PPP1R42: variants seen among roughly 807,000 people sequenced by gnomAD.
PPP1R42 encodes leucine rich repeat containing 67.
In PPP1R42, 34 loss-of-function variants were observed where a neutral mutation model predicts 31.0. The ratio of observed to expected loss-of-function variants is 1.10; its 90% CI spans 0.83 to 1.46. The LOEUF (loss-of-function observed/expected upper bound fraction) is 1.46, where lower values mean the gene tolerates loss of function less well. Among genes scored for constraint, PPP1R42 ranks in the 40% most tolerant of loss-of-function variants. PPP1R42 has a pLI of 0.00. For synonymous variants in PPP1R42, 103 were observed against 109.8 expected (o/e 0.94, Z 0.39); for missense variants, 268 against 303.0 (o/e 0.88, Z 0.86).
intron 7 of PPP1R42, chr8:66,971,185 A>G (rs1413008653): frequency 2.9e-6 from 4 of 1,394,408 alleles, no homozygotes; most frequent in Non-Finnish European, 3.8e-6. Flanking sequence ...TGAAATTAAT[A>G]ACTAAATTTT....
intron 5 of PPP1R42, among the ~76,000 whole-genome samples, chr8:67,004,306 C>G (rs1011819529): frequency 6.6e-6 from 1 of 152,202 alleles, no homozygotes; most frequent in Admixed American, 6.5e-5. Flanking sequence ...TCTTAGACTT[C>G]CCAGCCTCCA....
At chr8:67,013,241 T>C (rs1263773281) in intron 3 of PPP1R42, 145 bp from the exon 4 acceptor site, 2 of 572,110 alleles carry the variant, frequency 3.5e-6, no homozygotes, top group South Asian at 3.9e-5. Flanking sequence ...CTATGAAAGG[T>C]TGGTTTATCT....
intron 5 of PPP1R42, among the ~76,000 whole-genome samples, chr8:66,990,699 T>C (rs1467779203): frequency 5.3e-5 from 8 of 152,312 alleles, no homozygotes; most frequent in South Asian, 4.1e-4. Flanking sequence ...GATGAACCTG[T>C]ATTTGACCAG....
chr8:66,998,405 G>A (rs1397814346), intron 5 of PPP1R42, among the ~76,000 whole-genome samples: 1 of 152,176 alleles, frequency 6.6e-6, no homozygotes, highest in African/African-American at 2.4e-5. Flanking sequence ...TTGCCATTAA[G>A]CATATGGCTT....
At chr8:67,008,711 A>AG (rs891204625) in intron 5 of PPP1R42, among the ~76,000 whole-genome samples, 2 of 151,492 alleles carry the variant, frequency 1.3e-5, no homozygotes, top group African/African-American at 4.8e-5. Context: ...CTGTCTCAAA[A>AG]AAAAAAAAAA....
At chr8:67,007,807 T>C (rs1220274280) in intron 5 of PPP1R42, among the ~76,000 whole-genome samples, 1 of 152,088 alleles carries the variant, frequency 6.6e-6, no homozygotes, top group Non-Finnish European at 1.5e-5. Flanking sequence ...GTCACTATTA[T>C]AGTGCTTGTG....
chr8:67,020,602 G>A (rs923178432), intron 1 of PPP1R42, among the ~76,000 whole-genome samples: 1 of 152,184 alleles, frequency 6.6e-6, no homozygotes, highest in Admixed American at 6.5e-5. Flanking sequence ...TACAAAATAA[G>A]GATAATAATA....
intron 5 of PPP1R42, among the ~76,000 whole-genome samples, chr8:67,006,584 T>C (rs1325559714): frequency 6.6e-6 from 1 of 151,930 alleles, no homozygotes; most frequent in Admixed American, 6.6e-5. Flanking sequence ...CCAGGCTGGT[T>C]TTGAATTCCT....
chr8:67,017,529 A>G, intron 2 of PPP1R42, 90 bp downstream of exon 2: 3 of 667,724 alleles, frequency 4.5e-6, no homozygotes, highest in Non-Finnish European at 6.7e-6. Flanking sequence ...TAATGAAAAT[A>G]TAGTTAAAAT....
chr8:66,985,808 G>T lies in PPP1R42; in HGVS notation c.670+2592C>A. ...GCTGCGTCCATCATCTGTTTGATGTGGAGCTTAGTCAGCATGCCAGGACTC... is the reference window on the plus strand; with the variant it reads ...GCTGCGTCCATCATCTGTTTGATGTTGAGCTTAGTCAGCATGCCAGGACTC... On this transcript the variant is annotated intron_variant, in intron 6 of 7. Coordinates refer to ENST00000685739, the MANE Select transcript of PPP1R42 (RefSeq NM_001364910.1). 7.2e-6 allele frequency: 9 copies of T among 1,244,302 alleles called. No individual in the cohort carries two copies. The South Asian group carries it at 1.1e-4, about 16-fold the overall frequency. 77.1% of individuals were successfully genotyped at this position (1,244,302 alleles called of 1,614,324 possible).
At chr8:66,972,422 T>A (rs768268957) in intron 7 of PPP1R42, among the ~76,000 whole-genome samples, 74 of 152,108 alleles carry the variant, frequency 4.9e-4, no homozygotes, top group Admixed American at 2.6e-4. Flanking sequence ...CAGAGTGTCA[T>A]CTTGTCACCC....
chr8:66,980,632 A>C (rs555387519), intron 7 of PPP1R42, among the ~76,000 whole-genome samples: 9 of 152,258 alleles, frequency 5.9e-5, no homozygotes, highest in Non-Finnish European at 1.5e-5. Context: ...AGAGTGACAG[A>C]GCTCCTAGGA....
At chr8:66,984,475 A>G in intron 6 of PPP1R42, 2 of 1,282,172 alleles carry the variant, frequency 1.6e-6, no homozygotes, top group East Asian at 2.3e-5. Flanking sequence ...CACCACTCCT[A>G]TCAGGTACAG....
chr8:66,985,089 T>C (rs1814964925), intron 6 of PPP1R42: 11 of 1,306,688 alleles, frequency 8.4e-6, no homozygotes, highest in South Asian at 5.9e-5. Context: ...CTCCTTCCTT[T>C]AGCTCCTTCC....
chr8:67,013,169 G>T, intron 3 of PPP1R42, 73 bp from the exon 4 acceptor site: 2 of 1,242,194 alleles, frequency 1.6e-6, no homozygotes, highest in Non-Finnish European at 2.2e-6. Context: ...TGACAAAAGT[G>T]TAATAACAAA....
chr8:67,012,793 G>A, intron 4 of PPP1R42, 165 bp downstream of exon 4: 1 of 506,116 alleles, frequency 2.0e-6, no homozygotes, highest in Middle Eastern at 5.1e-4. Context: ...GAGTCTCTGA[G>A]ATTGTACATG....
At chr8:66,988,310 G>A (rs1423131896) in intron 6 of PPP1R42, 90 bp downstream of exon 6, 3 of 1,287,068 alleles carry the variant, frequency 2.3e-6, no homozygotes, top group African/African-American at 3.1e-5. Flanking sequence ...CCAGATGTCA[G>A]ATTTATATTT....
At chr8:66,983,073 C>T (rs1488754642) in intron 6 of PPP1R42, among the ~76,000 whole-genome samples, 1 of 151,886 alleles carries the variant, frequency 6.6e-6, no homozygotes, top group Non-Finnish European at 1.5e-5. Context: ...AGAAATTGCG[C>T]TTCATAAATT....
chr8:67,014,651 T>G, intron 2 of PPP1R42, 59 bp from the exon 3 acceptor site: 1 of 1,269,456 alleles, frequency 7.9e-7, no homozygotes. Context: ...AAAAGTTTGT[T>G]TTTAACAAAA....
Sources: gnomAD v4.1 joint callset for allele counts (sites outside exome capture counted in the v4.1 genomes callset) on GRCh38, gnomAD v4.1.1 for gene constraint, MANE v1.5 for transcripts, NCBI Gene and HGNC (gene_info 2026-07-23, HGNC 2026-07-21) for gene names.